The following ZNF841 variants were observed in gnomAD, a reference collection of about 807,000 sequenced individuals.
ZNF841 encodes TCONS_00006091.
In ZNF841, 11 loss-of-function variants were observed where a neutral mutation model predicts 13.0. That is an observed-to-expected ratio of 0.85 (90% CI 0.53 to 1.40). The LOEUF (loss-of-function observed/expected upper bound fraction) is 1.40, where lower values mean the gene tolerates loss of function less well. ZNF841 is among the 40% of genes most tolerant of loss of function. ZNF841 has a pLI of 0.00. For missense variants in ZNF841, 1,068 were observed against 1,139.5 expected (o/e 0.94, Z 0.90); for synonymous variants, 369 against 381.6 (o/e 0.97, Z 0.38).
chr19:52,076,952 C>A lies in ZNF841; in HGVS notation c.142+6G>T. 11 of 1,611,814 alleles carry A rather than the reference C, an allele frequency of 6.8e-6. No homozygotes were observed. Among genetic ancestry groups the A allele is most frequent in the Non-Finnish European group, 9.3e-6 (11 of 1,178,554 alleles). On this transcript the variant is annotated splice_donor_region_variant and intron_variant, in intron 5 of 6. Transcript: ENST00000594440. Reference sequence around the variant, plus strand: ...ATCCTAACTTCTGGAGGAAAACTATCCTCACCCAGGAAGCCGAGGTTCCTG... The same window carrying A: ...ATCCTAACTTCTGGAGGAAAACTATACTCACCCAGGAAGCCGAGGTTCCTG...
intron 4 of ZNF841, among the ~76,000 whole-genome samples, chr19:52,077,349 T>G (rs2087939087): frequency 6.6e-6 from 1 of 152,194 alleles, no homozygotes; most frequent in African/African-American, 2.4e-5. Flanking sequence ...TATGAAAGTT[T>G]TAGATATTAC....
rs1222726256 is a variant in ZNF841 at position 52,067,009 on chromosome 19, G to T, written c.873C>A (p.Cys291Ter). The change falls in exon 7 of 7, where the codon TGC becomes TGA. Residue 291 changes from cysteine to a stop codon, truncating the protein, a stop_gained. Transcript: ENST00000594440. LOFTEE classifies it low-confidence loss of function (END_TRUNC). ...MIHTTEKPYR[C>*]NESGKAFHRG... Reference sequence around the variant, plus strand: ...GATGAAAGGCTTTACCAGACTCATTGCATCTGTAAGGTTTCTCTGTAGTAT... The same window carrying T: ...GATGAAAGGCTTTACCAGACTCATTTCATCTGTAAGGTTTCTCTGTAGTAT... The T allele has an allele frequency of 3.1e-6, 5 of 1,613,852 alleles. No individual in the cohort carries two copies. The highest frequency in any genetic ancestry group is 1.3e-5 in the African/African-American group (1 of 74,910).
chr19:52,076,553 G>A (rs1316615177), intron 5 of ZNF841, among the ~76,000 whole-genome samples: 6 of 151,568 alleles, frequency 4.0e-5, no homozygotes, highest in Non-Finnish European at 5.9e-5. Flanking sequence ...GCTAAGGTGG[G>A]AGGATGGCTT....
chr19:52,063,809 C>T (rs2087445594), downstream of ZNF841: 1 of 152,196 alleles, frequency 6.6e-6, no homozygotes, highest in Admixed American at 6.5e-5. Flanking sequence ...AGTTCAGACA[C>T]CTCGGGGAAG....
chr19:52,092,526 T>A (rs1162434501), intron 2 of ZNF841, among the ~76,000 whole-genome samples: 1 of 152,192 alleles, frequency 6.6e-6, no homozygotes, highest in African/African-American at 2.4e-5. Context: ...AAATGAGCCC[T>A]TGTACACTGT....
intron 6 of ZNF841, among the ~76,000 whole-genome samples, chr19:52,074,640 C>T (rs1288407067): frequency 2.0e-5 from 3 of 152,210 alleles, no homozygotes; most frequent in African/African-American, 7.2e-5. Context: ...CCTCAGCCCC[C>T]CGAGTAGCTG....
At chr19:52,076,839 G>T in intron 5 of ZNF841, 119 bp downstream of exon 5, 1 of 1,247,156 alleles carries the variant, frequency 8.0e-7, no homozygotes. Flanking sequence ...CTTTTTATTT[G>T]TGAATCAACA....
chr19:52,085,586 A>G (rs984082282), intron 3 of ZNF841, among the ~76,000 whole-genome samples: 3 of 152,216 alleles, frequency 2.0e-5, no homozygotes, highest in Admixed American at 2.0e-4. Flanking sequence ...GGTGAGGCAC[A>G]GAAGTCCCAA....
rs184419813 is a variant in ZNF841, at chr19:52,092,891, C to T, written c.-144+955G>A. Among the ~76,000 whole-genome samples the T allele has an allele frequency of 1.4e-4, 21 of 152,260 alleles. No homozygotes were observed. In the East Asian group the frequency reaches 2.9e-3, roughly 21 times the overall value. ...ATCCTAACACTTTGGGAGGCCAAGG[C>T]GGGCAGATCACGAGGTCAGGAGTTC... On this transcript the variant is annotated intron_variant, in intron 2 of 6. Transcript: ENST00000594440.
chr19:52,088,724 T>C (rs1431176969), intron 3 of ZNF841, among the ~76,000 whole-genome samples: 6 of 152,206 alleles, frequency 3.9e-5, no homozygotes, highest in African/African-American at 1.2e-4. Context: ...ATCATCTCCA[T>C]GTGAACTGTT....
intron 6 of ZNF841, 41 bp from the exon 7 acceptor site, chr19:52,067,651 A>C: frequency 7.6e-7 from 1 of 1,318,788 alleles, no homozygotes; most frequent in Non-Finnish European, 1.0e-6. Context: ...AATAACTATT[A>C]TTGGTAAATA....
chr19:52,082,031 T>C (rs545662749), intron 4 of ZNF841, among the ~76,000 whole-genome samples: 2 of 151,656 alleles, frequency 1.3e-5, no homozygotes, highest in African/African-American at 4.8e-5. Context: ...ATAAAGAGAG[T>C]CTAAAGGGCT....
Position 52,066,851 on chromosome 19 carries a change from G to T in ZNF841, c.1031C>A (p.Pro344His). 1 of 1,614,134 alleles carries T rather than the reference G, an allele frequency of 6.2e-7. No homozygotes were observed. The highest frequency in any genetic ancestry group is 8.5e-7 in the Non-Finnish European group (1 of 1,180,028). ...CTTGCCACATTCATTACATATGTAG[G>T]GTTTGTCTCCAGTGTGACTTCTCCG... is the stretch of plus-strand genomic sequence containing the variant. ...NHRRSHTGDK[P>H]YICNECGKSF... Residue 344 changes from proline to histidine, a missense_variant, in exon 7 of 7, where the codon CCC becomes CAC. By Grantham distance (77) the Pro-to-His change is moderately conservative. Coordinates refer to ENST00000594440, the MANE Select transcript of ZNF841 (RefSeq NM_001136499.2).
chr19:52,075,846 G>C (rs924080679), intron 6 of ZNF841, among the ~76,000 whole-genome samples, 198 bp downstream of exon 6: 2 of 152,320 alleles, frequency 1.3e-5, no homozygotes, highest in African/African-American at 4.8e-5. Context: ...ACTTTGCTCT[G>C]TTTGAGCTGC....
intron 2 of ZNF841, among the ~76,000 whole-genome samples, chr19:52,089,494 A>C (rs1268062940): frequency 6.6e-6 from 1 of 152,104 alleles, no homozygotes; most frequent in African/African-American, 2.4e-5. Flanking sequence ...AAATACAAAA[A>C]AAAACAGCCG....
intron 4 of ZNF841, among the ~76,000 whole-genome samples, chr19:52,080,819 T>C (rs1486451956): frequency 6.6e-6 from 1 of 152,166 alleles, no homozygotes; most frequent in African/African-American, 2.4e-5. Flanking sequence ...AGAAAAGGTG[T>C]GGAAGGTCTC....
chr19:52,081,779 G>A (rs908697136), intron 4 of ZNF841, among the ~76,000 whole-genome samples: 5 of 152,146 alleles, frequency 3.3e-5, no homozygotes, highest in African/African-American at 1.2e-4. Flanking sequence ...ATTTGAACCC[G>A]GGAGGCAGAG....
At chr19:52,084,637 T>C in intron 4 of ZNF841, 150 bp downstream of exon 4, 2 of 819,516 alleles carry the variant, frequency 2.4e-6, no homozygotes, top group Non-Finnish European at 4.0e-6. Context: ...GGAATCTAAG[T>C]GCAGAAGAGA....
chr19:52,064,997 A>T lies in ZNF841; in HGVS notation c.*110T>A. The T allele has an allele frequency of 2.0e-6, 2 of 983,106 alleles. No individual in the cohort carries two copies. Among genetic ancestry groups the T allele is most frequent in the East Asian group, 2.8e-5 (1 of 36,284 alleles). 60.9% of individuals were successfully genotyped at this position (983,106 alleles called of 1,614,324 possible). On this transcript the variant is annotated 3_prime_UTR_variant, in exon 7 of 7. Transcript: ENST00000594440. ...CTTTCTTGAGAAAGCCACCCCCATC[A>T]TCCAATCACCTCCCACTAGGCTCCA...
Sources: gnomAD v4.1 joint callset for allele counts (sites outside exome capture counted in the v4.1 genomes callset) on GRCh38, gnomAD v4.1.1 for gene constraint, MANE v1.5 for transcripts, NCBI Gene and HGNC (gene_info 2026-07-23, HGNC 2026-07-21) for gene names.